Variants in GALNT13 observed in about 807,000 individuals in gnomAD.
GALNT13 encodes UDP-GalNAc:polypeptide N-acetylgalactosaminyltransferase 13.
A neutral mutation model predicts 64.2 loss-of-function variants in GALNT13; 28 were observed. The observed-to-expected ratio is 0.44, with a 90% confidence interval of 0.32 to 0.60. GALNT13 has a LOEUF of 0.60. GALNT13 is among the 20% of genes least tolerant of loss of function. GALNT13 has a pLI of 0.05. For missense variants in GALNT13, 577 were observed against 669.8 expected (o/e 0.86, Z 1.53); for synonymous variants, 214 against 224.6 (o/e 0.95, Z 0.42).
the GALNT13 span, among the ~76,000 whole-genome samples, chr2:153,134,675 G>A: frequency 2.6e-5 from 4 of 152,032 alleles, no homozygotes; most frequent in South Asian, 2.1e-4. Context: ...CCCCTTAGAC[G>A]CCCAAGCCCA....
chr2:154,057,942 A>G (rs1028779102), intron 3 of GALNT13, among the ~76,000 whole-genome samples: 1 of 152,210 alleles, frequency 6.6e-6, no homozygotes, highest in African/African-American at 2.4e-5. Flanking sequence ...TTATTCAACT[A>G]ATATTTATTG....
the GALNT13 span, among the ~76,000 whole-genome samples, chr2:153,168,612 G>A: frequency 6.6e-6 from 1 of 152,262 alleles, no homozygotes; most frequent in African/African-American, 2.4e-5. Flanking sequence ...TAATAATACT[G>A]TTGTTTACTC....
intron 3 of GALNT13, among the ~76,000 whole-genome samples, chr2:154,139,718 C>T (rs1007485061): frequency 2.0e-5 from 3 of 151,410 alleles, no homozygotes; most frequent in Admixed American, 6.6e-5. Flanking sequence ...GGAGAAGTGG[C>T]GAGAAAATTA....
chr2:153,403,219 T>TG, the GALNT13 span, among the ~76,000 whole-genome samples: 1 of 149,518 alleles, frequency 6.7e-6, no homozygotes, highest in Non-Finnish European at 1.5e-5. Context: ...TGCTGGGGGG[T>TG]GCCTCCCGGT....
the GALNT13 span, among the ~76,000 whole-genome samples, chr2:153,455,134 T>C: frequency 6.6e-6 from 1 of 152,228 alleles, no homozygotes; most frequent in African/African-American, 2.4e-5. Flanking sequence ...TTCTTTGTTT[T>C]AGGTGATGCT....
the GALNT13 span, among the ~76,000 whole-genome samples, chr2:153,381,153 C>G: frequency 6.6e-6 from 1 of 152,106 alleles, no homozygotes; most frequent in African/African-American, 2.4e-5. Flanking sequence ...CACCATGTTT[C>G]CCAGGCTGGT....
chr2:154,408,964 C>G lies in GALNT13; in HGVS notation c.1297-20C>G, dbSNP rs573101713. On this transcript the variant is annotated intron_variant, in intron 10 of 12. Coordinates refer to ENST00000392825, the MANE Select transcript of GALNT13 (RefSeq NM_052917.4). ...GTCTGATTTATGTTTTATCCCCCCC[C>G]TTTTGTGTGTTTCCTTTAGATAAGA... is the stretch of plus-strand genomic sequence containing the variant. The G allele has an allele frequency of 6.1e-6, 9 of 1,469,818 alleles. No individual in the cohort carries two copies. In the Admixed American group the frequency reaches 1.4e-4, roughly 22 times the overall value. 91.0% of individuals were successfully genotyped at this position (1,469,818 alleles called of 1,614,324 possible).
chr2:153,513,490 C>G, the GALNT13 span, among the ~76,000 whole-genome samples: 1 of 152,180 alleles, frequency 6.6e-6, no homozygotes, highest in African/African-American at 2.4e-5. Flanking sequence ...AGAAAATAAT[C>G]TGAGCAAATT....
chr2:153,871,317 T>C (rs6750165), upstream of GALNT13, among the ~76,000 whole-genome samples: 125,120 of 152,164 alleles, frequency 0.82, 52,676 homozygotes, highest in Non-Finnish European at 0.9. Flanking sequence ...GTGCGTTCGG[T>C]GGCAGTAGTC....
At chr2:154,081,566 C>G (rs929843848) in intron 3 of GALNT13, among the ~76,000 whole-genome samples, 1 of 151,580 alleles carries the variant, frequency 6.6e-6, no homozygotes, top group Non-Finnish European at 1.5e-5. Context: ...ATGCTCTTAC[C>G]CAAAACTCAG....
chr2:153,339,003 A>G, the GALNT13 span, among the ~76,000 whole-genome samples: 10 of 152,218 alleles, frequency 6.6e-5, no homozygotes, highest in African/African-American at 2.2e-4. Flanking sequence ...TATATATACC[A>G]CATTTTCTTT....
chr2:153,341,387 G>T, the GALNT13 span, among the ~76,000 whole-genome samples: 4 of 152,050 alleles, frequency 2.6e-5, no homozygotes, highest in Non-Finnish European at 5.9e-5. Context: ...TGCCAAATTG[G>T]GATTCAAAAA....
chr2:154,226,451 A>C (rs186581720), intron 4 of GALNT13, among the ~76,000 whole-genome samples: 1 of 152,228 alleles, frequency 6.6e-6, no homozygotes. Context: ...TGTTCCTATT[A>C]TTGTCATTTA....
At chr2:154,151,537 G>T (rs1288742772) in intron 4 of GALNT13, among the ~76,000 whole-genome samples, 1 of 152,176 alleles carries the variant, frequency 6.6e-6, no homozygotes, top group Non-Finnish European at 1.5e-5. Context: ...GGGTGTTAAA[G>T]TCTCCCACTA....
chr2:154,354,940 A>T (rs77360263), intron 9 of GALNT13, among the ~76,000 whole-genome samples: 1 of 141,134 alleles, frequency 7.1e-6, no homozygotes, highest in African/African-American at 2.8e-5. Context: ...CTCTGACACT[A>T]ACTTTCTACC....
chr2:154,028,739 A>G (rs1698144480), intron 3 of GALNT13, among the ~76,000 whole-genome samples: 1 of 152,110 alleles, frequency 6.6e-6, no homozygotes, highest in African/African-American at 2.4e-5. Flanking sequence ...ATGTTTTCAT[A>G]AGGACATATA....
intron 3 of GALNT13, among the ~76,000 whole-genome samples, chr2:154,069,847 A>C (rs1351718741): frequency 6.6e-6 from 1 of 152,066 alleles, no homozygotes; most frequent in East Asian, 1.9e-4. Flanking sequence ...TACAAAATAC[A>C]TGTCTGTAGT....
chr2:154,298,409 T>A (rs1201965366), intron 8 of GALNT13, among the ~76,000 whole-genome samples: 1 of 120,610 alleles, frequency 8.3e-6, no homozygotes, highest in East Asian at 2.2e-4. Context: ...ATATATAATT[T>A]ATATATAAAT....
chr2:153,290,117 C>T, the GALNT13 span, among the ~76,000 whole-genome samples: 59 of 152,246 alleles, frequency 3.9e-4, no homozygotes, highest in African/African-American at 1.3e-3. Context: ...TCACCTTACT[C>T]TCTATGCAAA....
Sources: allele counts gnomAD v4.1 joint callset (sites outside exome capture counted in the v4.1 genomes callset), GRCh38; gene constraint gnomAD v4.1.1; transcripts MANE v1.5; gene names NCBI Gene and HGNC (gene_info 2026-07-23, HGNC 2026-07-21).